TRPM3: variants seen among roughly 807,000 people sequenced by gnomAD.
TRPM3 encodes the protein long transient receptor potential channel 3.
TRPM3 carries 77 observed loss-of-function variants against 181.2 expected under a neutral mutation model. The ratio of observed to expected loss-of-function variants is 0.42; its 90% CI spans 0.35 to 0.51. TRPM3 has a LOEUF of 0.51. Ranked by LOEUF, TRPM3 falls within the 20% of genes least tolerant of loss-of-function variation. The pLI, the probability that TRPM3 is intolerant of heterozygous loss-of-function variation, is 0.01. For missense variants in TRPM3, 1,759 were observed against 2,196.7 expected (o/e 0.80, Z 3.98); for synonymous variants, 745 against 796.4 (o/e 0.94, Z 1.09).
intron 1 of TRPM3, among the ~76,000 whole-genome samples, chr9:71,186,155 C>G (rs1333517651): frequency 6.6e-6 from 1 of 151,988 alleles, no homozygotes; most frequent in African/African-American, 2.4e-5. Context: ...TATAAGGATG[C>G]CAATCAGATT....
intron 1 of TRPM3, among the ~76,000 whole-genome samples, chr9:71,187,040 A>G (rs2077722565): frequency 6.6e-6 from 1 of 152,044 alleles, no homozygotes; most frequent in African/African-American, 2.4e-5. Flanking sequence ...TTTTGAAAAT[A>G]AGTCTGATGT....
Position 70,615,902 on chromosome 9 carries a change from T to A in TRPM3, c.2526+6A>T. On this transcript the variant is annotated splice_donor_region_variant and intron_variant, in intron 18 of 25. Transcript: ENST00000677713. ...CATAGAGAATAACTGTGCAATGTTT[T>A]CTTACTGTGAGCTCCATGTCCTCTT... The A allele has an allele frequency of 6.3e-7, 1 of 1,596,098 alleles. No homozygotes were observed.
At chr9:71,413,924 C>T (rs947239970) in intron 1 of TRPM3, among the ~76,000 whole-genome samples, 1 of 151,460 alleles carries the variant, frequency 6.6e-6, no homozygotes, top group African/African-American at 2.4e-5. Context: ...CAAACTAAGA[C>T]TCTGAGCATG....
intron 5 of TRPM3, among the ~76,000 whole-genome samples, chr9:70,838,490 G>A (rs2094452733): frequency 6.6e-6 from 1 of 152,126 alleles, no homozygotes; most frequent in Admixed American, 6.6e-5. Flanking sequence ...TTGTTTATAA[G>A]CCCCCTGGTC....
At chr9:71,221,185 C>G (rs186380090) in intron 1 of TRPM3, among the ~76,000 whole-genome samples, 164 of 152,340 alleles carry the variant, frequency 1.1e-3, no homozygotes, top group African/African-American at 3.8e-3. Flanking sequence ...CAAATCCTGA[C>G]TCTTCCCTGT....
At chr9:71,279,347 T>C (rs1403249424) in intron 1 of TRPM3, among the ~76,000 whole-genome samples, 1 of 151,920 alleles carries the variant, frequency 6.6e-6, no homozygotes, top group Non-Finnish European at 1.5e-5. Flanking sequence ...AGCTCAAAGG[T>C]GTGTTGGCTT....
intron 1 of TRPM3, among the ~76,000 whole-genome samples, chr9:71,038,022 C>G (rs2058411153): frequency 6.6e-6 from 1 of 152,204 alleles, no homozygotes; most frequent in Admixed American, 6.5e-5. Flanking sequence ...TACAAGGAAG[C>G]AGAGGTCTAA....
intron 1 of TRPM3, among the ~76,000 whole-genome samples, chr9:71,360,785 A>G (rs1027306229): frequency 6.6e-6 from 1 of 152,170 alleles, no homozygotes; most frequent in South Asian, 2.1e-4. Context: ...GCACAGCACT[A>G]TGTCATCAAG....
chr9:71,276,964 T>A (rs1020059783), intron 1 of TRPM3, among the ~76,000 whole-genome samples: 5 of 152,074 alleles, frequency 3.3e-5, no homozygotes, highest in Non-Finnish European at 7.4e-5. Context: ...TATACTGCCA[T>A]GAAAAAGAAT....
At chr9:70,618,762 T>C in intron 17 of TRPM3, 105 bp downstream of exon 17, 1 of 937,594 alleles carries the variant, frequency 1.1e-6, no homozygotes, top group Non-Finnish European at 1.6e-6. Flanking sequence ...AGAACCTCCC[T>C]CCTGAGATAA....
chr9:70,797,324 T>C (rs1004957186), intron 6 of TRPM3, among the ~76,000 whole-genome samples: 5 of 152,226 alleles, frequency 3.3e-5, no homozygotes, highest in African/African-American at 1.2e-4. Flanking sequence ...GGTTTTCCTG[T>C]GGGCTACTGA....
chr9:71,282,609 A>G (rs978663799), intron 1 of TRPM3, among the ~76,000 whole-genome samples: 1 of 152,194 alleles, frequency 6.6e-6, no homozygotes, highest in Non-Finnish European at 1.5e-5. Flanking sequence ...AACATCTGTG[A>G]GCACCATCTG....
intron 9 of TRPM3, among the ~76,000 whole-genome samples, chr9:70,651,954 T>C (rs963316985): frequency 6.6e-6 from 1 of 152,024 alleles, no homozygotes; most frequent in South Asian, 2.1e-4. Flanking sequence ...ACGTGCTCAA[T>C]AGGAAGGAGG....
intron 1 of TRPM3, among the ~76,000 whole-genome samples, chr9:71,420,987 AAGAG>A (rs140620697): frequency 2.9e-5 from 2 of 68,332 alleles, no homozygotes; most frequent in South Asian, 4.7e-4. Context: ...GAGAGAGAAA[AAGAG>A]AGAGAAAAAG....
intron 1 of TRPM3, among the ~76,000 whole-genome samples, chr9:70,960,298 T>G (rs2097124581): frequency 6.6e-6 from 1 of 152,132 alleles, no homozygotes; most frequent in African/African-American, 2.4e-5. Flanking sequence ...AGCTCTGTTG[T>G]GAATGCCACT....
intron 1 of TRPM3, among the ~76,000 whole-genome samples, chr9:71,097,313 T>C (rs894209466): frequency 2.0e-5 from 3 of 152,240 alleles, no homozygotes; most frequent in Middle Eastern, 3.4e-3. Flanking sequence ...TTAGGATATA[T>C]ACTGTATATA....
chr9:71,254,883 G>C (rs1474544417), intron 1 of TRPM3, among the ~76,000 whole-genome samples: 1 of 151,952 alleles, frequency 6.6e-6, no homozygotes, highest in Non-Finnish European at 1.5e-5. Context: ...GAAGACAAAG[G>C]GTCCCTTCTT....
chr9:71,251,431 G>T (rs2082336186), intron 1 of TRPM3, among the ~76,000 whole-genome samples: 1 of 151,946 alleles, frequency 6.6e-6, no homozygotes, highest in Non-Finnish European at 1.5e-5. Context: ...ATCCCATAAT[G>T]CTGTCTTTCA....
intron 1 of TRPM3, among the ~76,000 whole-genome samples, chr9:71,380,898 A>G (rs753832593): frequency 1.3e-5 from 2 of 151,044 alleles, no homozygotes; most frequent in African/African-American, 2.4e-5. Context: ...CAGCTTGGCC[A>G]TATATAGTAG....
Sources: allele counts gnomAD v4.1 joint callset (sites outside exome capture counted in the v4.1 genomes callset), GRCh38; gene constraint gnomAD v4.1.1; transcripts MANE v1.5; gene names NCBI Gene and HGNC (gene_info 2026-07-23, HGNC 2026-07-21).